The following DAPK2 variants were observed in gnomAD, a reference collection of about 807,000 sequenced individuals.
The protein encoded by DAPK2 is death-associated protein kinase 2.
In DAPK2, 35 loss-of-function variants were observed where a neutral mutation model predicts 44.1. The ratio of observed to expected loss-of-function variants is 0.79; its 90% CI spans 0.61 to 1.05. The LOEUF (loss-of-function observed/expected upper bound fraction) is 1.05, where lower values mean the gene tolerates loss of function less well. Ranked by LOEUF, DAPK2 falls within the 50% of genes least tolerant of loss-of-function variation. The pLI is 0.00. For synonymous variants in DAPK2, 174 were observed against 182.6 expected (o/e 0.95, Z 0.38); for missense variants, 453 against 483.2 (o/e 0.94, Z 0.59).
chr15:63,993,181 T>A (rs765060579), intron 1 of DAPK2, among the ~76,000 whole-genome samples: 18 of 152,182 alleles, frequency 1.2e-4, no homozygotes, highest in South Asian at 6.2e-4. Flanking sequence ...CCATAATTCA[T>A]GTAAGGTGAC....
chr15:64,006,470 G>A (rs887409520), intron 1 of DAPK2, among the ~76,000 whole-genome samples: 2 of 152,008 alleles, frequency 1.3e-5, no homozygotes, highest in East Asian at 1.9e-4. Flanking sequence ...GTACAACATC[G>A]TCACCTATAT....
chr15:63,971,527 G>A lies in DAPK2; in HGVS notation c.349C>T (p.Gln117Ter). The A allele has an allele frequency of 1.2e-6, 2 of 1,614,140 alleles. No homozygotes were observed. The highest frequency in any genetic ancestry group is 1.7e-6 in the Non-Finnish European group (2 of 1,180,016). The change falls in exon 3 of 11, where the codon CAG (glutamine) becomes TAG (stop). Residue 117 changes from glutamine to a stop codon, truncating the protein, a stop_gained. Transcript: ENST00000261891. LOFTEE classifies it high-confidence loss of function. ...TCCTCCTCACTCAGTGACTCCTTCT[G>A]GGCCAGGAAATCGAAGAGCTCTCCT... is the stretch of plus-strand genomic sequence containing the variant.
At chr15:63,941,489 C>T (rs1289873365) in intron 3 of DAPK2, among the ~76,000 whole-genome samples, 1 of 152,180 alleles carries the variant, frequency 6.6e-6, no homozygotes, top group Non-Finnish European at 1.5e-5. Flanking sequence ...GAGGGTGACC[C>T]TAGCTGTTAG....
At chr15:63,943,033 T>C (rs147752302) in intron 3 of DAPK2, among the ~76,000 whole-genome samples, 1 of 151,682 alleles carries the variant, frequency 6.6e-6, no homozygotes, top group African/African-American at 2.4e-5. Context: ...CAGGACCCAG[T>C]GCTAAGCAAA....
intron 4 of DAPK2, among the ~76,000 whole-genome samples, chr15:63,938,785 G>C (rs1315229795): frequency 6.6e-6 from 1 of 152,226 alleles, no homozygotes; most frequent in Non-Finnish European, 1.5e-5. Context: ...ATAAAGCCAG[G>C]CATAGAGGAG....
At chr15:63,987,119 G>A (rs2078687955) in intron 1 of DAPK2, among the ~76,000 whole-genome samples, 1 of 152,116 alleles carries the variant, frequency 6.6e-6, no homozygotes, top group African/African-American at 2.4e-5. Context: ...AGCTTTCGGA[G>A]GATAACAGGA....
At chr15:64,024,751 C>T (rs2079790019) in intron 1 of DAPK2, among the ~76,000 whole-genome samples, 1 of 152,188 alleles carries the variant, frequency 6.6e-6, no homozygotes, top group Non-Finnish European at 1.5e-5. Context: ...GGGAGGAATG[C>T]TTCACCAACT....
intron 3 of DAPK2, among the ~76,000 whole-genome samples, chr15:63,943,699 C>T (rs1328684693): frequency 8.0e-6 from 1 of 124,394 alleles, no homozygotes; most frequent in African/African-American, 2.9e-5. Flanking sequence ...ATGGTGAAAC[C>T]CCGACTCTAC....
intron 2 of DAPK2, among the ~76,000 whole-genome samples, chr15:63,973,901 T>A (rs567963270): frequency 9.9e-5 from 15 of 152,284 alleles, no homozygotes; most frequent in African/African-American, 3.4e-4. Flanking sequence ...CCTGGTTTCA[T>A]TACCTACAAA....
In DAPK2 at chr15:64,020,489, T is replaced by C. The variant is rs1194806369; in HGVS notation, c.92+19681A>G. The stretch of plus-strand genomic sequence containing the variant: ...TCATCAATTCTCTTGCCTCTTGCTG[T>C]CATTTATTCATTCATATCACATATT... On this transcript the variant is annotated intron_variant, in intron 1 of 10. Coordinates refer to ENST00000261891, the Ensembl canonical transcript of DAPK2. The surrounding 1 kb of genome is among the most constrained non-coding windows in gnomAD (Gnocchi z 4.5). 6.6e-6 allele frequency among the ~76,000 whole-genome samples: 1 copy of C among 152,220 alleles called. No individual in the cohort carries two copies. The highest frequency in any genetic ancestry group is 1.5e-5 in the Non-Finnish European group (1 of 68,032).
In DAPK2 at chr15:63,912,129, C is replaced by T. The variant is rs975736851; in HGVS notation, c.927G>A (p.Gln309=). 2 of 1,439,084 alleles carry T rather than the reference C, an allele frequency of 1.4e-6. No homozygotes were observed. The highest frequency in any genetic ancestry group is 1.9e-6 in the Non-Finnish European group (2 of 1,070,412). The allele number at this position is 1,439,084 out of a possible 1,614,324, so 89.1% of individuals were successfully genotyped here. A position where few individuals can be genotyped will look rare whatever the true frequency, so the allele number is the denominator to read the frequency against. The change falls in exon 9 of 11, where the codon CAG becomes CAA. Residue 309 remains glutamine (Q), a synonymous_variant. Coordinates refer to ENST00000261891, the Ensembl canonical transcript of DAPK2. The surrounding 1 kb of genome is among the most constrained non-coding windows in gnomAD (Gnocchi z 4.4). ...ACACCTTCCACCGCCTGCGGACATA[C>T]TGCTTCCTGAAGTTCTCCAGATTGA...
At chr15:63,929,866 TC>T in intron 5 of DAPK2, 2 of 576,872 alleles carry the variant, frequency 3.5e-6, no homozygotes, top group Non-Finnish European at 6.6e-6. Context: ...TCGGAGCCCT[TC>T]CCCCCTTGTA....
chr15:63,981,462 A>T (rs2078510111), intron 2 of DAPK2, among the ~76,000 whole-genome samples: 2 of 152,234 alleles, frequency 1.3e-5, no homozygotes, highest in East Asian at 3.8e-4. Flanking sequence ...ATTCAGTGAA[A>T]CATATAGTCA....
intron 1 of DAPK2, among the ~76,000 whole-genome samples, chr15:64,003,164 G>C (rs770347321): frequency 6.6e-6 from 1 of 152,168 alleles, no homozygotes; most frequent in African/African-American, 2.4e-5. Flanking sequence ...GGGAAGAACT[G>C]ATCTCAGGGG....
At chr15:64,003,162 CT>C in intron 1 of DAPK2, among the ~76,000 whole-genome samples, 1 of 152,250 alleles carries the variant, frequency 6.6e-6, no homozygotes, top group Non-Finnish European at 1.5e-5. Context: ...TGGGGAAGAA[CT>C]GATCTCAGGG....
chr15:64,045,666 T>G (rs1454732343), intron 1 of DAPK2, among the ~76,000 whole-genome samples: 1 of 152,192 alleles, frequency 6.6e-6, no homozygotes, highest in African/African-American at 2.4e-5. Flanking sequence ...CGGTGAGGGT[T>G]AGCCAGACCT....
At chr15:64,007,291 C>A (rs1251975421) in intron 1 of DAPK2, among the ~76,000 whole-genome samples, 1 of 151,996 alleles carries the variant, frequency 6.6e-6, no homozygotes, top group African/African-American at 2.4e-5. Context: ...TTTCACACAA[C>A]CCTTTCTCAC....
intron 1 of DAPK2, among the ~76,000 whole-genome samples, chr15:63,987,297 G>A (rs916638172): frequency 3.3e-5 from 5 of 152,136 alleles, no homozygotes; most frequent in African/African-American, 1.2e-4. Flanking sequence ...CAGAAGTTGA[G>A]GTCCCACAGT....
intron 6 of DAPK2, among the ~76,000 whole-genome samples, chr15:63,927,522 G>C (rs2079330051): frequency 1.3e-5 from 2 of 152,160 alleles, no homozygotes; most frequent in African/African-American, 4.8e-5. Context: ...GTCTCAAAGA[G>C]GCATGTTCAT....
Sources: allele counts gnomAD v4.1 joint callset (sites outside exome capture counted in the v4.1 genomes callset), GRCh38; gene constraint gnomAD v4.1.1; non-coding constraint Gnocchi (gnomAD v3.1); transcripts MANE v1.5; gene names NCBI Gene and HGNC (gene_info 2026-07-23, HGNC 2026-07-21).